Variants in DNAH7 observed in about 807,000 individuals in gnomAD.
The protein encoded by DNAH7 is dynein axonemal heavy chain 7.
Under a neutral mutation model 444.6 loss-of-function variants are expected in DNAH7, and 397 were observed. The ratio of observed to expected loss-of-function variants is 0.89; its 90% confidence interval spans 0.82 to 0.97. The LOEUF (loss-of-function observed/expected upper bound fraction) is 0.97. Ranked by LOEUF, DNAH7 falls within the 50% of genes least tolerant of loss-of-function variation. DNAH7 has a pLI of 0.00. For missense variants in DNAH7, 4,902 were observed against 4,800.8 expected (o/e 1.02, Z -0.62); for synonymous variants, 1,636 against 1,624.4 (o/e 1.01, Z -0.17).
chr2:195,838,167 A>G (rs1182606389), intron 47 of DNAH7, among the ~76,000 whole-genome samples: 2 of 152,150 alleles, frequency 1.3e-5, no homozygotes, highest in African/African-American at 4.8e-5. Context: ...TGACATTGCA[A>G]CATCACCCAC....
chr2:196,029,773 A>G (rs114606101), intron 5 of DNAH7, among the ~76,000 whole-genome samples: 223 of 152,352 alleles, frequency 1.5e-3, no homozygotes, highest in African/African-American at 5.2e-3. Flanking sequence ...CCGTTCAGAA[A>G]TAAAACGATC....
At chr2:195,961,939 CA>C (rs1247271730) in intron 17 of DNAH7, among the ~76,000 whole-genome samples, 1 of 152,022 alleles carries the variant, frequency 6.6e-6, no homozygotes, top group African/African-American at 2.4e-5. Context: ...AAAGACATCT[CA>C]GCGAAATAAA....
chr2:196,018,595 G>A (rs1639600369), intron 9 of DNAH7, among the ~76,000 whole-genome samples: 1 of 152,046 alleles, frequency 6.6e-6, no homozygotes, highest in South Asian at 2.1e-4. Flanking sequence ...ATTTAACAAA[G>A]AGATCGAAAT....
rs1559071417 is a variant in DNAH7, at chr2:195,751,453, CAAGA to C, written c.11764+2880_11764+2883del. Among the ~76,000 whole-genome samples, 8 of 152,110 alleles carry C rather than the reference CAAGA, an allele frequency of 5.3e-5. No individual in the cohort carries two copies. In the South Asian group the frequency reaches 1.7e-3, roughly 32 times the overall value. ...TATGTGCTAGACACTGAGAGGCACT[CAAGA>C]AAGAATGGTGCAGACAAACAAGATC... On this transcript the variant is annotated intron_variant, in intron 63 of 64. Coordinates refer to ENST00000312428, the MANE Select transcript of DNAH7 (RefSeq NM_018897.3).
At position 195,809,785 on chromosome 2, in the gene DNAH7, G is replaced by C. The variant is rs778225099; in HGVS notation, c.9848C>G (p.Ser3283Cys). Residue 3283 changes from serine (S) to cysteine (C), a missense_variant, in exon 52 of 65, where the codon TCC becomes TGC. Transcript: ENST00000312428. ...SLFEKDKLLF[S>C]FCLTINLLLH... ...CAGTAGATTTATGGTTAGACAAAAG[G>C]AAAAGAGCAGCTTATCCTTTTCAAA... 6.3e-7 allele frequency: 1 copy of C among 1,599,030 alleles called. No homozygotes were observed. The highest frequency in any genetic ancestry group is 1.1e-5 in the South Asian group (1 of 88,626).
chr2:196,002,692 A>C (rs1437595630), intron 10 of DNAH7, among the ~76,000 whole-genome samples: 1 of 152,170 alleles, frequency 6.6e-6, no homozygotes, highest in Non-Finnish European at 1.5e-5. Flanking sequence ...CATACTAGGA[A>C]CAGTGTTGTA....
intron 28 of DNAH7, among the ~76,000 whole-genome samples, chr2:195,899,997 T>C (rs142123220): frequency 2.6e-5 from 4 of 152,320 alleles, no homozygotes; most frequent in African/African-American, 9.6e-5. Flanking sequence ...TATGTTTATA[T>C]AGACTGAGAG....
In DNAH7 at chr2:195,898,869, T is replaced by C. The variant is rs562070910; in HGVS notation, c.4549-1104A>G. On this transcript the variant is annotated intron_variant, in intron 28 of 64. Coordinates refer to ENST00000312428, the MANE Select transcript of DNAH7 (RefSeq NM_018897.3). ...AACTTGTTACTCATACCTATAATAA[T>C]GTTCACATGAATTTACAAAAATCCA... Among the ~76,000 whole-genome samples, 46 of 152,354 alleles carry C rather than the reference T, an allele frequency of 3.0e-4. 1 individual carries two copies. The South Asian group carries it at 7.9e-3, about 26-fold the overall frequency.
chr2:196,055,341 G>C (rs1697738293), intron 2 of DNAH7, among the ~76,000 whole-genome samples: 3 of 151,692 alleles, frequency 2.0e-5, no homozygotes. Flanking sequence ...AGACCTCCTT[G>C]TCTCAAAAAA....
chr2:195,748,014 G>A (rs1559068837), intron 63 of DNAH7, among the ~76,000 whole-genome samples: 1 of 152,156 alleles, frequency 6.6e-6, no homozygotes, highest in Admixed American at 6.6e-5. Context: ...GAAATAAAGG[G>A]TATTCAATTA....
chr2:195,929,489 T>C (rs551545696), intron 21 of DNAH7, among the ~76,000 whole-genome samples: 13 of 152,298 alleles, frequency 8.5e-5, no homozygotes, highest in African/African-American at 2.4e-4. Context: ...AAGGCTATCA[T>C]ATCCAACACA....
intron 35 of DNAH7, among the ~76,000 whole-genome samples, chr2:195,882,322 T>C (rs1338837800): frequency 6.6e-6 from 1 of 152,198 alleles, no homozygotes; most frequent in African/African-American, 2.4e-5. Flanking sequence ...ACCAATAGGC[T>C]AAAGAGTAAA....
chr2:195,985,119 C>T (rs993822004), intron 14 of DNAH7, among the ~76,000 whole-genome samples: 1 of 152,080 alleles, frequency 6.6e-6, no homozygotes, highest in African/African-American at 2.4e-5. Context: ...TTAAAATAGG[C>T]CTGTGTGCTC....
intron 54 of DNAH7, among the ~76,000 whole-genome samples, chr2:195,800,658 C>T (rs1370307180): frequency 2.0e-5 from 3 of 152,144 alleles, no homozygotes; most frequent in Non-Finnish European, 2.9e-5. Context: ...CGCCTGGCTC[C>T]CATGTTCATG....
chr2:195,771,245 C>T (rs1185022948), intron 61 of DNAH7, among the ~76,000 whole-genome samples: 1 of 152,032 alleles, frequency 6.6e-6, no homozygotes, highest in Non-Finnish European at 1.5e-5. Flanking sequence ...GAAGGTTAGG[C>T]AAAGGAATCC....
intron 12 of DNAH7, among the ~76,000 whole-genome samples, chr2:195,993,614 G>T (rs1426201432): frequency 6.6e-6 from 1 of 152,148 alleles, no homozygotes; most frequent in East Asian, 1.9e-4. Context: ...TTGAAAACAG[G>T]TTCTTCATCC....
chr2:195,975,623 C>T (rs1358262673), intron 15 of DNAH7, among the ~76,000 whole-genome samples: 1 of 152,172 alleles, frequency 6.6e-6, no homozygotes, highest in African/African-American at 2.4e-5. Flanking sequence ...CCCCCAACCC[C>T]AGGCAGCACA....
chr2:195,891,641 GT>G lies in DNAH7; in HGVS notation c.5046+13del. On this transcript the variant is annotated intron_variant, in intron 31 of 64. Coordinates refer to ENST00000312428, the MANE Select transcript of DNAH7 (RefSeq NM_018897.3). ...AACCTTTTAAGATATGCATGTGAAA[GT>G]GTTAGAACTTACCACTGAAGAGGCA... 1.3e-6 allele frequency: 2 copies of G among 1,559,774 alleles called. 1 individual carries two copies. The highest frequency in any genetic ancestry group is 4.6e-5 in the East Asian group (2 of 43,550).
At chr2:195,839,512 A>G (rs984831447) in intron 47 of DNAH7, among the ~76,000 whole-genome samples, 3 of 151,878 alleles carry the variant, frequency 2.0e-5, no homozygotes, top group East Asian at 3.9e-4. Flanking sequence ...AATAATAAAT[A>G]TTAGGGAAGA....
Sources: allele counts gnomAD v4.1 joint callset (sites outside exome capture counted in the v4.1 genomes callset), GRCh38; gene constraint gnomAD v4.1.1; transcripts MANE v1.5; gene names NCBI Gene and HGNC (gene_info 2026-07-23, HGNC 2026-07-21).